Variants in MAST2 observed in about 807,000 individuals in gnomAD.
MAST2 encodes the protein microtubule-associated serine/threonine-protein kinase 2.
MAST2 carries 70 observed loss-of-function variants against 147.4 expected under a neutral mutation model. That is an observed-to-expected ratio of 0.47 (90% CI 0.39 to 0.58). MAST2 has a LOEUF of 0.58. MAST2 is among the 20% of genes least tolerant of loss of function. The pLI is 0.00. For missense variants in MAST2, 2,080 were observed against 2,302.3 expected, an observed-to-expected ratio of 0.90 and a Z score of 1.98; for synonymous variants, 869 against 896.8, an observed-to-expected ratio of 0.97 and a Z score of 0.55.
At chr1:45,985,609 G>A (rs1644582587) in intron 5 of MAST2, among the ~76,000 whole-genome samples, 1 of 152,172 alleles carries the variant, frequency 6.6e-6, no homozygotes, top group Non-Finnish European at 1.5e-5. Flanking sequence ...CTGGCGTCTT[G>A]TCCTTTGTAT....
intron 4 of MAST2, among the ~76,000 whole-genome samples, chr1:45,916,081 T>C (rs1040112314): frequency 4.6e-5 from 7 of 152,216 alleles, no homozygotes; most frequent in Admixed American, 3.9e-4. Flanking sequence ...TCTATCCTGT[T>C]ACTACCCCAT....
chr1:45,825,973 A>C (rs1387703727), intron 2 of MAST2, among the ~76,000 whole-genome samples: 1 of 151,914 alleles, frequency 6.6e-6, no homozygotes, highest in Non-Finnish European at 1.5e-5. Context: ...GCCACTCCGG[A>C]GGCTGAGGCA....
At chr1:45,960,241 G>C (rs1570938986) in intron 5 of MAST2, among the ~76,000 whole-genome samples, 1 of 152,272 alleles carries the variant, frequency 6.6e-6, no homozygotes, top group East Asian at 1.9e-4. Flanking sequence ...GGGCACAGTG[G>C]CTCCCGCCTG....
chr1:45,949,677 A>G (rs1423736528), intron 4 of MAST2, among the ~76,000 whole-genome samples: 1 of 152,224 alleles, frequency 6.6e-6, no homozygotes, highest in Non-Finnish European at 1.5e-5. Context: ...TCAAAGAGCT[A>G]AAAGCAGAAG....
intron 3 of MAST2, among the ~76,000 whole-genome samples, chr1:45,831,366 T>C (rs1408221826): frequency 1.3e-5 from 2 of 152,158 alleles, no homozygotes; most frequent in Non-Finnish European, 2.9e-5. Context: ...ATTTGTTCAA[T>C]ATGGGAAGTG....
intron 3 of MAST2, among the ~76,000 whole-genome samples, chr1:45,876,091 C>G (rs774295096): frequency 1.2e-4 from 18 of 152,134 alleles, no homozygotes; most frequent in Admixed American, 9.8e-4. Flanking sequence ...ATGATACTAT[C>G]AGGTGCTGTT....
rs528269710 is a variant in MAST2, at chr1:46,026,123, G to A, written c.1919+308G>A. On this transcript the variant is annotated intron_variant, in intron 16 of 28. Transcript: ENST00000361297. Reference sequence around the variant, plus strand: ...TAGATGGCTAAACAAGTGTCCTGACGTTTACTGACATCTACTCTGTGCCAG... The same window carrying A: ...TAGATGGCTAAACAAGTGTCCTGACATTTACTGACATCTACTCTGTGCCAG... Among the ~76,000 whole-genome samples the A allele has an allele frequency of 1.2e-4, 18 of 152,172 alleles. 1 individual carries two copies. The highest frequency in any genetic ancestry group is 6.5e-4 in the Admixed American group (10 of 15,278).
chr1:45,810,218 A>C (rs1345234816), intron 1 of MAST2, among the ~76,000 whole-genome samples: 4 of 152,212 alleles, frequency 2.6e-5, no homozygotes, highest in Non-Finnish European at 5.9e-5. Flanking sequence ...GACAAAGGAA[A>C]TAGAATATTT....
chr1:45,921,998 C>T (rs755522441), intron 4 of MAST2, among the ~76,000 whole-genome samples: 5 of 152,184 alleles, frequency 3.3e-5, no homozygotes, highest in Admixed American at 6.5e-5. Context: ...AGAGGGGACC[C>T]GCAGTGGGTA....
chr1:45,817,397 C>G (rs1398745066), intron 1 of MAST2, among the ~76,000 whole-genome samples: 1 of 152,036 alleles, frequency 6.6e-6, no homozygotes, highest in East Asian at 1.9e-4. Flanking sequence ...AGTGGAAACC[C>G]CTTACAGGCC....
At chr1:45,836,187 T>G (rs1645096899) in intron 3 of MAST2, among the ~76,000 whole-genome samples, 1 of 152,240 alleles carries the variant, frequency 6.6e-6, no homozygotes, top group Admixed American at 6.5e-5. Context: ...CACTTTTGGT[T>G]TGCTACACCA....
intron 3 of MAST2, among the ~76,000 whole-genome samples, chr1:45,858,695 A>G (rs1174425236): frequency 6.7e-6 from 1 of 148,620 alleles, no homozygotes; most frequent in Non-Finnish European, 1.5e-5. Context: ...GCCCATGCCT[A>G]TGTCCTGAAT....
intron 5 of MAST2, among the ~76,000 whole-genome samples, chr1:45,989,842 G>A (rs911635320): frequency 1.3e-5 from 2 of 152,110 alleles, no homozygotes; most frequent in African/African-American, 2.4e-5. Context: ...ATGACATATA[G>A]CCTTTCAAAT....
chr1:45,810,108 A>G (rs966890812), intron 1 of MAST2, among the ~76,000 whole-genome samples: 2 of 152,210 alleles, frequency 1.3e-5, no homozygotes, highest in East Asian at 1.9e-4. Flanking sequence ...TTTGCTCACA[A>G]TAGGTGCTCA....
chr1:45,810,963 C>T (rs1258079440), intron 1 of MAST2, among the ~76,000 whole-genome samples: 1 of 149,950 alleles, frequency 6.7e-6, no homozygotes, highest in African/African-American at 2.5e-5. Context: ...AGCTATTCTC[C>T]TGCCTCAGCC....
In MAST2 at chr1:45,996,259, G is replaced by A. The variant is rs190332140; in HGVS notation, c.593-1465G>A. Among the ~76,000 whole-genome samples, 109 of 151,762 alleles carry A rather than the reference G, an allele frequency of 7.2e-4. 2 individuals carry two copies. The highest frequency in any genetic ancestry group is 2.6e-3 in the African/African-American group (106 of 41,354). Reference sequence around the variant, plus strand: ...AGGCATCTCCTTGAGGCTTTAGCTGGGTAGTTTTGGGAACCAACAAAGGGC... The same window carrying A: ...AGGCATCTCCTTGAGGCTTTAGCTGAGTAGTTTTGGGAACCAACAAAGGGC... On this transcript the variant is annotated intron_variant, in intron 5 of 28. Transcript: ENST00000361297.
chr1:46,021,986 G>A lies in MAST2; in HGVS notation c.1327G>A (p.Ala443Thr). The change falls in exon 12 of 29, where the codon GCA becomes ACA. Residue 443 changes from alanine (A) to threonine (T), a missense_variant. Physicochemically the swap from Ala to Thr is moderately conservative, Grantham distance 58. This residue lies in a region of MAST2 where 569 missense variants were observed against 642.5 expected (regional missense o/e 0.89). Transcript: ENST00000361297. ...DPEEFYHLLEAAEGHAKEGQG... is the reference protein window; with the variant it reads ...DPEEFYHLLETAEGHAKEGQG... ...TGAAGAGTTCTACCACCTTTTAGAA[G>A]CAGCTGAGGGCCACGCCAAAGAGGG... 6.2e-7 allele frequency: 1 copy of A among 1,614,200 alleles called. No individual in the cohort carries two copies. Among genetic ancestry groups the A allele is most frequent in the Non-Finnish European group, 8.5e-7 (1 of 1,180,026 alleles).
chr1:45,855,466 GTC>G (rs1645757699), intron 3 of MAST2, among the ~76,000 whole-genome samples: 1 of 151,642 alleles, frequency 6.6e-6, no homozygotes, highest in African/African-American at 2.4e-5. Context: ...CTGCATTTCT[GTC>G]TCTAAGTATT....
At position 45,911,852 on chromosome 1, in the gene MAST2, TATATTA is replaced by T. The variant is rs1166376387; in HGVS notation, c.500+29458_500+29463del. On this transcript the variant is annotated intron_variant, in intron 4 of 28. Transcript: ENST00000361297. The stretch of plus-strand genomic sequence containing the variant: ...GCTGTTATGTCATTATTATTATTGT[TATATTA>T]TTATTATTATTATTATTATTATTAT... Among the ~76,000 whole-genome samples the T allele has an allele frequency of 2.7e-3, 352 of 129,538 alleles. 3 individuals carry two copies. Among genetic ancestry groups the T allele is most frequent in the African/African-American group, 0.01 (340 of 32,982 alleles). The allele number at this position is 129,538 out of a possible 152,430, so 85.0% of individuals were successfully genotyped here. A position where few individuals can be genotyped will look rare whatever the true frequency, so the allele number is the denominator to read the frequency against.
Sources: gnomAD v4.1 joint callset for allele counts (sites outside exome capture counted in the v4.1 genomes callset) on GRCh38, gnomAD v4.1.1 for gene constraint, gnomAD v4.1.1 regional missense constraint, MANE v1.5 for transcripts, NCBI Gene and HGNC (gene_info 2026-07-23, HGNC 2026-07-21) for gene names.